Variants in C6orf89 observed in about 807,000 individuals in gnomAD.
C6orf89 encodes bombesin receptor-activated protein C6orf89.
C6orf89 carries 29 observed loss-of-function variants against 40.7 expected under a neutral mutation model. The observed-to-expected ratio is 0.71, with a 90% CI of 0.53 to 0.97. The LOEUF (loss-of-function observed/expected upper bound fraction) is 0.97, where lower values mean the gene tolerates loss of function less well. Ranked by LOEUF, C6orf89 falls within the 50% of genes least tolerant of loss-of-function variation. The probability of loss-of-function intolerance (pLI) is 0.00; values close to 1 mark genes in which losing one functional copy is unlikely to be tolerated. For missense variants in C6orf89, 392 were observed against 429.1 expected (o/e 0.91, Z 0.76); for synonymous variants, 165 against 152.2 (o/e 1.08, Z -0.62).
At chr6:36,901,457 C>T (rs1178263407) in intron 3 of C6orf89, among the ~76,000 whole-genome samples, 4 of 145,952 alleles carry the variant, frequency 2.7e-5, no homozygotes, top group Admixed American at 1.4e-4. Flanking sequence ...GCCTCAGCCT[C>T]CTGAGTAGCT....
intron 1 of C6orf89, chr6:36,875,018 G>A (rs1774614507): frequency 1.9e-6 from 1 of 524,714 alleles, no homozygotes; most frequent in Non-Finnish European, 3.4e-6. Flanking sequence ...TCCAAGTGGC[G>A]ATACCGCGCC....
intron 4 of C6orf89, among the ~76,000 whole-genome samples, chr6:36,907,422 CT>C (rs1294043302): frequency 3.3e-5 from 5 of 152,124 alleles, no homozygotes; most frequent in African/African-American, 1.2e-4. Flanking sequence ...GTAAATAACT[CT>C]CAGGCACCAG....
At chr6:36,882,056 A>AC (rs1217363946), upstream of C6orf89, among the ~76,000 whole-genome samples, 3 of 147,562 alleles carry the variant, frequency 2.0e-5, no homozygotes, top group East Asian at 5.8e-4. Context: ...ATAAACAACA[A>AC]AAAAAAATGG....
upstream of C6orf89, among the ~76,000 whole-genome samples, chr6:36,882,713 C>CTTTTTTTTTTTTCTTT (rs1774847726): frequency 8.7e-6 from 1 of 115,446 alleles, no homozygotes; most frequent in African/African-American, 3.0e-5. Context: ...TTGTCATTTT[C>CTTTTTTTTTTTTCTTT]TTTTTTTTTT....
intron 4 of C6orf89, among the ~76,000 whole-genome samples, chr6:36,911,216 G>A (rs1424649062): frequency 1.3e-5 from 2 of 152,208 alleles, no homozygotes; most frequent in African/African-American, 4.8e-5. Context: ...TGGGCTGGGC[G>A]CAGTGGCTCA....
rs1328070632 is a variant in C6orf89 at position 36,927,132 on chromosome 6, T to A, written c.*3691T>A. 2.0e-5 allele frequency: 3 copies of A among 152,240 alleles called. No homozygotes were observed. The highest frequency in any genetic ancestry group is 7.2e-5 in the African/African-American group (3 of 41,470). The allele number at this position is 152,240 out of a possible 1,614,324, so 9.4% of individuals were successfully genotyped here. ...TCCTGTCTCCACATTCTTCCAGATG[T>A]GTGACAGAGGAGGGACTCTGCTCAA... On this transcript the variant is annotated 3_prime_UTR_variant, in exon 9 of 9. Coordinates refer to ENST00000480824, the MANE Select transcript of C6orf89 (RefSeq NM_001286635.2).
At chr6:36,894,443 T>G in intron 1 of C6orf89, 61 bp from the exon 2 acceptor site, 2 of 763,572 alleles carry the variant, frequency 2.6e-6, no homozygotes, top group Non-Finnish European at 3.2e-6. Context: ...TCAGAATCAC[T>G]GATCACAAAA....
intron 2 of C6orf89, among the ~76,000 whole-genome samples, chr6:36,899,042 AT>A (rs1004893563): frequency 4.0e-5 from 6 of 149,016 alleles, no homozygotes; most frequent in Non-Finnish European, 3.0e-5. Flanking sequence ...TGCATAATCC[AT>A]TTTTTTTTTA....
At chr6:36,892,766 G>C (rs1343328724) in intron 1 of C6orf89, 5 of 152,166 alleles carry the variant, frequency 3.3e-5, no homozygotes, top group Non-Finnish European at 7.3e-5. Context: ...GCCCTTGCAG[G>C]TCTATGCCAC....
rs1762118280 is a variant in C6orf89, at chr6:36,911,376, G to A, written c.404-2908G>A. 3.3e-5 allele frequency among the ~76,000 whole-genome samples: 5 copies of A among 152,078 alleles called. No individual in the cohort carries two copies. In the South Asian group the frequency reaches 1.0e-3, roughly 32 times the overall value. The stretch of plus-strand genomic sequence containing the variant: ...TTCGTGGCGGGCACCTGTAATCCCA[G>A]CTATTCAGGAGGCTGAGGCAGGAGA... On this transcript the variant is annotated intron_variant, in intron 4 of 8. Transcript: ENST00000480824.
chr6:36,898,394 C>T (rs1471195116), intron 2 of C6orf89, among the ~76,000 whole-genome samples: 1 of 151,738 alleles, frequency 6.6e-6, no homozygotes, highest in Non-Finnish European at 1.5e-5. Flanking sequence ...ATTCTCCTGC[C>T]TCAGCCGCCC....
rs548837035 is a variant in C6orf89, at chr6:36,921,853, C to A, written c.950-1494C>A. On this transcript the variant is annotated intron_variant, in intron 8 of 8. Coordinates refer to ENST00000480824, the MANE Select transcript of C6orf89 (RefSeq NM_001286635.2). Reference sequence around the variant, plus strand: ...GACCAGTCTGGGCAAGATGGTAGGACCTTGTATCTACCCAAAATTACAAAA... The same window carrying A: ...GACCAGTCTGGGCAAGATGGTAGGAACTTGTATCTACCCAAAATTACAAAA... Among the ~76,000 whole-genome samples the A allele has an allele frequency of 2.6e-4, 39 of 151,878 alleles. No homozygotes were observed. The Middle Eastern group carries it at 0.01, about 40-fold the overall frequency.
chr6:36,923,233 T>G, intron 8 of C6orf89, 114 bp from the exon 9 acceptor site: 1 of 666,418 alleles, frequency 1.5e-6, no homozygotes, highest in South Asian at 1.8e-5. Flanking sequence ...AGATTTGTCT[T>G]TGACTCTGCA....
chr6:36,914,180 A>G, intron 4 of C6orf89, 104 bp from the exon 5 acceptor site: 1 of 1,078,478 alleles, frequency 9.3e-7, no homozygotes. Context: ...AATAAATAAA[A>G]GTCATTATGA....
chr6:36,887,901 T>TATTTTG (rs1022420238), intron 1 of C6orf89, among the ~76,000 whole-genome samples: 3 of 152,082 alleles, frequency 2.0e-5, no homozygotes, highest in African/African-American at 7.2e-5. Context: ...TTTTTATTTT[T>TATTTTG]TTTGTAGATA....
chr6:36,921,641 A>T (rs1762512592), intron 8 of C6orf89, among the ~76,000 whole-genome samples: 1 of 152,186 alleles, frequency 6.6e-6, no homozygotes, highest in Admixed American at 6.5e-5. Context: ...ATTTCCCATC[A>T]AGAGATTTTT....
intron 3 of C6orf89, among the ~76,000 whole-genome samples, chr6:36,900,014 G>A (rs7741378): frequency 0.27 from 39,876 of 150,126 alleles, 5,667 homozygotes; most frequent in African/African-American, 0.36. Context: ...CAGCCTCCCA[G>A]GTAGCTGGGA....
chr6:36,902,187 C>T (rs1761748261), intron 3 of C6orf89, 34 bp from the exon 4 acceptor site: 1 of 1,572,854 alleles, frequency 6.4e-7, no homozygotes, highest in African/African-American at 1.3e-5. Context: ...TATTTGTTTG[C>T]TGGGATTAAT....
At chr6:36,887,221 TCTC>T (rs1250496838) in intron 1 of C6orf89, among the ~76,000 whole-genome samples, 1 of 151,866 alleles carries the variant, frequency 6.6e-6, no homozygotes, top group Non-Finnish European at 1.5e-5. Flanking sequence ...TTCACACCAT[TCTC>T]CTGCCTCAGG....
Sources: gnomAD v4.1 joint callset for allele counts (sites outside exome capture counted in the v4.1 genomes callset) on GRCh38, gnomAD v4.1.1 for gene constraint, MANE v1.5 for transcripts, NCBI Gene and HGNC (gene_info 2026-07-23, HGNC 2026-07-21) for gene names.